The following CLVS1 variants were observed in gnomAD, a reference collection of about 807,000 sequenced individuals.
The protein encoded by CLVS1 is clavesin 1.
A neutral mutation model predicts 33.1 loss-of-function variants in CLVS1; 10 were observed. The observed-to-expected ratio is 0.30, with a 90% CI of 0.19 to 0.51. The LOEUF (loss-of-function observed/expected upper bound fraction) is 0.51, where lower values mean the gene tolerates loss of function less well. CLVS1 is among the 20% of genes least tolerant of loss of function. The pLI is 0.97. For missense variants in CLVS1, 343 were observed against 433.4 expected (o/e 0.79, Z 1.85); for synonymous variants, 163 against 166.1 (o/e 0.98, Z 0.14).
In CLVS1 at chr8:61,457,905, G is replaced by C. The variant is rs56178642; in HGVS notation, c.742-402G>C. ...CTGCAACTTTGTCTAGGCCAGGGAAGGGGGGAAGGATCTGGAGGACTGGGT... is the reference window on the plus strand; with the variant it reads ...CTGCAACTTTGTCTAGGCCAGGGAACGGGGGAAGGATCTGGAGGACTGGGT... On this transcript the variant is annotated intron_variant, in intron 4 of 5. Coordinates refer to ENST00000325897, the MANE Select transcript of CLVS1 (RefSeq NM_173519.3). Among the ~76,000 whole-genome samples, 1,209 of 152,312 alleles carry C rather than the reference G, an allele frequency of 7.9e-3. 6 individuals are homozygous for C. The highest frequency in any genetic ancestry group is 0.028 in the African/African-American group (1,157 of 41,570).
At chr8:61,056,972 C>G (rs1318082950), upstream of CLVS1, among the ~76,000 whole-genome samples, 1 of 152,174 alleles carries the variant, frequency 6.6e-6, no homozygotes, top group Non-Finnish European at 1.5e-5. Context: ...GTGGAGCTAC[C>G]TCTCCTCCCC....
At chr8:61,392,345 A>G (rs1423350255) in intron 3 of CLVS1, among the ~76,000 whole-genome samples, 1 of 151,644 alleles carries the variant, frequency 6.6e-6, no homozygotes, top group Non-Finnish European at 1.5e-5. Context: ...AAAAAAAAAA[A>G]TTTCTAAATT....
intron 1 of CLVS1, among the ~76,000 whole-genome samples, chr8:61,095,596 G>C (rs1173004836): frequency 6.6e-6 from 1 of 152,154 alleles, no homozygotes; most frequent in East Asian, 1.9e-4. Context: ...TCTACTGGTT[G>C]AGAAAGCTTG....
the CLVS1 span, among the ~76,000 whole-genome samples, chr8:60,998,460 G>T: frequency 6.6e-6 from 1 of 152,150 alleles, no homozygotes; most frequent in Non-Finnish European, 1.5e-5. Flanking sequence ...GAGGGTGGGG[G>T]CGTCCTGTCT....
intron 2 of CLVS1, among the ~76,000 whole-genome samples, chr8:61,194,128 G>T (rs1375283340): frequency 6.6e-6 from 1 of 151,922 alleles, no homozygotes; most frequent in Non-Finnish European, 1.5e-5. Flanking sequence ...ATTCAAAGAA[G>T]AAAAGGAAGA....
intron 1 of CLVS1, among the ~76,000 whole-genome samples, chr8:61,088,037 G>GT (rs1458240103): frequency 2.0e-5 from 3 of 152,130 alleles, no homozygotes; most frequent in Non-Finnish European, 2.9e-5. Flanking sequence ...TCTACAACAT[G>GT]TTTTGTTTGC....
intron 5 of CLVS1, among the ~76,000 whole-genome samples, chr8:61,472,373 G>A (rs866538640): frequency 6.6e-6 from 1 of 151,676 alleles, no homozygotes; most frequent in Non-Finnish European, 1.5e-5. Context: ...AAGACATGGG[G>A]GGAGGAGAAG....
At chr8:61,271,924 G>T (rs1203877882) in intron 2 of CLVS1, among the ~76,000 whole-genome samples, 1 of 151,704 alleles carries the variant, frequency 6.6e-6, no homozygotes. Flanking sequence ...CACGTGAGAT[G>T]GGTTTCCTGA....
At chr8:61,317,249 T>G (rs966963231) in intron 2 of CLVS1, among the ~76,000 whole-genome samples, 2 of 152,152 alleles carry the variant, frequency 1.3e-5, no homozygotes, top group African/African-American at 4.8e-5. Context: ...TTGCTGCTGC[T>G]TCCAGAGGGC....
chr8:61,052,341 G>A (rs1804399156), upstream of CLVS1, among the ~76,000 whole-genome samples: 1 of 152,182 alleles, frequency 6.6e-6, no homozygotes, highest in South Asian at 2.1e-4. Flanking sequence ...ATGAATATGT[G>A]TAGTAGAAAG....
intron 2 of CLVS1, among the ~76,000 whole-genome samples, chr8:61,213,838 A>T (rs2978532): frequency 6.6e-6 from 1 of 152,040 alleles, no homozygotes; most frequent in African/African-American, 2.4e-5. Flanking sequence ...AACTCTGACC[A>T]CCGGTGAGCC....
chr8:61,369,858 A>G (rs1187528725), intron 2 of CLVS1, among the ~76,000 whole-genome samples: 1 of 152,218 alleles, frequency 6.6e-6, no homozygotes, highest in Non-Finnish European at 1.5e-5. Context: ...GTCAAAATAC[A>G]TCAGCAGATG....
chr8:61,058,073 A>G (rs1465585788), intron 1 of CLVS1, among the ~76,000 whole-genome samples: 1 of 152,236 alleles, frequency 6.6e-6, no homozygotes, highest in African/African-American at 2.4e-5. Flanking sequence ...TGTACAACCT[A>G]GCTAGACATA....
At chr8:61,338,344 A>C (rs766184867) in intron 2 of CLVS1, among the ~76,000 whole-genome samples, 1 of 152,206 alleles carries the variant, frequency 6.6e-6, no homozygotes, top group African/African-American at 2.4e-5. Context: ...AGGCACTTTT[A>C]AATTGACCAG....
intron 2 of CLVS1, among the ~76,000 whole-genome samples, chr8:61,136,640 A>G (rs903926324): frequency 6.6e-6 from 1 of 152,244 alleles, no homozygotes; most frequent in African/African-American, 2.4e-5. Flanking sequence ...TGATGAGAAC[A>G]CACATGGACA....
chr8:61,124,711 CT>C (rs1805940304), intron 1 of CLVS1, among the ~76,000 whole-genome samples: 1 of 152,168 alleles, frequency 6.6e-6, no homozygotes, highest in South Asian at 2.1e-4. Context: ...CCACTCATTC[CT>C]TTAAAAATTG....
At chr8:60,992,993 A>C in the CLVS1 span, among the ~76,000 whole-genome samples, 2 of 152,222 alleles carry the variant, frequency 1.3e-5, no homozygotes, top group Admixed American at 6.5e-5. Context: ...TCTTGCTTTT[A>C]CTGTGAGGAA....
In CLVS1 at chr8:61,484,650, A is replaced by T. The variant is rs532106510; in HGVS notation, c.978-14805A>T. On this transcript the variant is annotated intron_variant, in intron 5 of 5. Coordinates refer to ENST00000325897, the MANE Select transcript of CLVS1 (RefSeq NM_173519.3). ...CACATTGCCAAGACAATCCTAACCC[A>T]AAAGAACAAAGCTGGAGGCATCACG... 2.6e-5 allele frequency among the ~76,000 whole-genome samples: 4 copies of T among 152,362 alleles called. No homozygotes were observed. In the South Asian group the frequency reaches 8.3e-4, roughly 32 times the overall value.
chr8:61,491,360 T>C (rs1352846687), intron 5 of CLVS1, among the ~76,000 whole-genome samples: 2 of 152,126 alleles, frequency 1.3e-5, no homozygotes, highest in Non-Finnish European at 2.9e-5. Context: ...CAAGAAGAGG[T>C]GCCCAAACCA....
Sources: gnomAD v4.1 joint callset for allele counts (sites outside exome capture counted in the v4.1 genomes callset) on GRCh38, gnomAD v4.1.1 for gene constraint, MANE v1.5 for transcripts, NCBI Gene and HGNC (gene_info 2026-07-23, HGNC 2026-07-21) for gene names.